TPO: variants seen among roughly 807,000 people sequenced by gnomAD.
TPO encodes the protein thyroid microsomal antigen.
In TPO, 78 loss-of-function variants were observed where a neutral mutation model predicts 96.9. That is an observed-to-expected ratio of 0.81 (90% CI 0.67 to 0.97). TPO has a LOEUF of 0.97. Ranked by LOEUF, TPO falls within the 50% of genes least tolerant of loss-of-function variation. The pLI is 0.00. For missense variants in TPO, 1,252 were observed against 1,274.8 expected (o/e 0.98, Z 0.27); for synonymous variants, 547 against 538.0 (o/e 1.02, Z -0.23).
At chr2:1,428,502 A>T (rs949425470) in intron 3 of TPO, among the ~76,000 whole-genome samples, 4 of 152,142 alleles carry the variant, frequency 2.6e-5, no homozygotes, top group African/African-American at 9.7e-5. Flanking sequence ...CCACTGGGTG[A>T]TACCCTCCAC....
At chr2:1,405,206 C>T (rs1040283764) in intron 1 of TPO, among the ~76,000 whole-genome samples, 4 of 151,264 alleles carry the variant, frequency 2.6e-5, no homozygotes, top group African/African-American at 7.3e-5. Flanking sequence ...TTCATCCATC[C>T]ACTCATTCAT....
chr2:1,423,244 C>T, intron 3 of TPO, 115 bp downstream of exon 3: 1 of 929,198 alleles, frequency 1.1e-6, no homozygotes, highest in Non-Finnish European at 1.7e-6. Flanking sequence ...TGAAGCTTGC[C>T]ATTGTTAATT....
chr2:1,391,414 G>T (rs1661998745), intron 1 of TPO, among the ~76,000 whole-genome samples: 1 of 152,196 alleles, frequency 6.6e-6, no homozygotes. Flanking sequence ...TTTGGTTACT[G>T]TAGCCTCATA....
At position 1,538,292 on chromosome 2, in the gene TPO, GATACA is replaced by G. The variant is rs1374045014; in HGVS notation, c.2619-2300_2619-2296del. On this transcript the variant is annotated intron_variant, in intron 15 of 16. Coordinates refer to ENST00000329066, the MANE Select transcript of TPO (RefSeq NM_001206744.2). Reference sequence around the variant, plus strand: ...TCATCTTAAGGTGGTGCTCCGACCTGATACAAAGGAAAGCGGGTTGAATTCAGAGG... The same window carrying G: ...TCATCTTAAGGTGGTGCTCCGACCTGAAGGAAAGCGGGTTGAATTCAGAGG... Among the ~76,000 whole-genome samples the G allele has an allele frequency of 2.0e-5, 3 of 152,172 alleles. No homozygotes were observed. The East Asian group carries it at 5.8e-4, about 29-fold the overall frequency.
intron 8 of TPO, among the ~76,000 whole-genome samples, chr2:1,482,894 G>T (rs1303592856): frequency 6.6e-6 from 1 of 152,122 alleles, no homozygotes; most frequent in Non-Finnish European, 1.5e-5. Context: ...TGTTGCCCAG[G>T]CTGGTCTTGA....
chr2:1,438,322 A>G (rs930966387), intron 5 of TPO, among the ~76,000 whole-genome samples: 3 of 152,156 alleles, frequency 2.0e-5, no homozygotes, highest in Non-Finnish European at 4.4e-5. Context: ...AGCGAGTCAT[A>G]CTTTCCATAT....
chr2:1,506,293 T>C (rs1029129481), intron 14 of TPO, among the ~76,000 whole-genome samples: 1 of 150,998 alleles, frequency 6.6e-6, no homozygotes, highest in Non-Finnish European at 1.5e-5. Context: ...TTGTTGGACA[T>C]TTGGGTTGGT....
At chr2:1,455,233 T>C (rs1205357049) in intron 6 of TPO, among the ~76,000 whole-genome samples, 1 of 152,216 alleles carries the variant, frequency 6.6e-6, no homozygotes, top group African/African-American at 2.4e-5. Flanking sequence ...AGGCCCTTAA[T>C]GTAATCGCAT....
At chr2:1,514,830 C>T (rs1674516865) in intron 14 of TPO, among the ~76,000 whole-genome samples, 1 of 152,234 alleles carries the variant, frequency 6.6e-6, no homozygotes, top group Non-Finnish European at 1.5e-5. Context: ...GGCCTTCCCC[C>T]TGCCCAGGCT....
intron 13 of TPO, among the ~76,000 whole-genome samples, chr2:1,503,444 G>GAT (rs1673070410): frequency 2.0e-5 from 3 of 152,366 alleles, no homozygotes; most frequent in Admixed American, 2.0e-4. Context: ...TAGGGGATGA[G>GAT]ATACTAGGTT....
rs758390091 is a variant in TPO, at chr2:1,493,959, C to T, written c.1926C>T (p.Asn642=). ...TCTGGCTGGGAGGCTTAGCTGAAAA[C>T]TTCCTCCCCAGGGCTCGGACAGGGC... ...IDVWLGGLAE[N]FLPRARTGPL... is the part of the protein sequence containing the mutation. Residue 642 remains asparagine, a synonymous_variant, in exon 11 of 17, where the codon AAC becomes AAT. Coordinates refer to ENST00000329066, the MANE Select transcript of TPO (RefSeq NM_001206744.2). 6.2e-7 allele frequency: 1 copy of T among 1,614,066 alleles called. No homozygotes were observed. Among genetic ancestry groups the T allele is most frequent in the Admixed American group, 1.7e-5 (1 of 60,012 alleles).
At chr2:1,505,221 A>C (rs1673283400) in intron 14 of TPO, among the ~76,000 whole-genome samples, 2 of 149,288 alleles carry the variant, frequency 1.3e-5, no homozygotes, top group African/African-American at 2.5e-5. Flanking sequence ...CACGTCCCCC[A>C]CTCCTGTGTC....
At chr2:1,408,939 G>A (rs1662286302), upstream of TPO, among the ~76,000 whole-genome samples, 1 of 152,216 alleles carries the variant, frequency 6.6e-6, no homozygotes, top group Non-Finnish European at 1.5e-5. Flanking sequence ...GACCCTTGGT[G>A]AGAAGATGGC....
intron 8 of TPO, among the ~76,000 whole-genome samples, chr2:1,478,533 G>A (rs10174000): frequency 0.071 from 10,828 of 152,328 alleles, 649 homozygotes; most frequent in African/African-American, 0.15. Flanking sequence ...TCACTGCACT[G>A]GGGTCCAGGC....
chr2:1,478,230 T>G (rs1670172424), intron 8 of TPO: 1 of 985,228 alleles, frequency 1.0e-6, no homozygotes, highest in Non-Finnish European at 1.2e-6. Context: ...ATTAATTGTG[T>G]GATGGAGAAA....
At chr2:1,407,547 C>A (rs1397782369) in intron 1 of TPO, among the ~76,000 whole-genome samples, 1 of 152,210 alleles carries the variant, frequency 6.6e-6, no homozygotes, top group Non-Finnish European at 1.5e-5. Context: ...GTCTTCCAAA[C>A]TACCCCCTTT....
At chr2:1,388,076 G>A (rs565165319) in intron 1 of TPO, among the ~76,000 whole-genome samples, 12 of 152,288 alleles carry the variant, frequency 7.9e-5, no homozygotes, top group Non-Finnish European at 1.2e-4. Context: ...TGGAGGTTTC[G>A]TCTCAGAGGG....
At chr2:1,531,727 C>T (rs1469688677) in intron 15 of TPO, among the ~76,000 whole-genome samples, 9 of 52,970 alleles carry the variant, frequency 1.7e-4, no homozygotes, top group East Asian at 7.0e-4. Flanking sequence ...CCACTCTCTG[C>T]AACCTCCCCA....
intron 14 of TPO, among the ~76,000 whole-genome samples, chr2:1,511,072 C>G (rs528287741): frequency 4.6e-4 from 70 of 152,330 alleles, no homozygotes; most frequent in Middle Eastern, 3.4e-3. Flanking sequence ...TAGATTCAGG[C>G]GCTGATATAA....
Sources: allele counts gnomAD v4.1 joint callset (sites outside exome capture counted in the v4.1 genomes callset), GRCh38; gene constraint gnomAD v4.1.1; transcripts MANE v1.5; gene names NCBI Gene and HGNC (gene_info 2026-07-23, HGNC 2026-07-21).